Variants in SYNE2 observed in about 807,000 individuals in gnomAD.
SYNE2 encodes nesprin-2.
A neutral mutation model predicts 856.3 loss-of-function variants in SYNE2; 431 were observed. The observed-to-expected ratio is 0.50, with a 90% CI of 0.47 to 0.55. SYNE2 has a LOEUF of 0.55. Among genes scored for constraint, SYNE2 ranks in the 20% least tolerant of loss-of-function variants. The pLI is 0.00. For missense variants in SYNE2, 8,129 were observed against 8,023.2 expected (o/e 1.01, Z -0.50); for synonymous variants, 2,923 against 2,872.3 (o/e 1.02, Z -0.56).
At chr14:63,886,593 A>C (rs1242418736) in intron 1 of SYNE2, among the ~76,000 whole-genome samples, 1 of 152,184 alleles carries the variant, frequency 6.6e-6, no homozygotes, top group African/African-American at 2.4e-5. Context: ...AGATGTCTCA[A>C]CTGACAGAAT....
At chr14:64,172,546 C>T (rs924719855) in intron 94 of SYNE2, among the ~76,000 whole-genome samples, 6 of 152,100 alleles carry the variant, frequency 3.9e-5, no homozygotes, top group Non-Finnish European at 5.9e-5. Context: ...GCTGTATTGC[C>T]CTATAAACCC....
intron 84 of SYNE2, 22 bp downstream of exon 84, chr14:64,146,245 C>A: frequency 6.3e-7 from 1 of 1,590,868 alleles, no homozygotes; most frequent in South Asian, 1.2e-5. Context: ...AACAGCATCC[C>A]ACCCAACCCG....
chr14:64,106,069 A>C (rs1011245059), intron 64 of SYNE2, among the ~76,000 whole-genome samples: 4 of 151,392 alleles, frequency 2.6e-5, no homozygotes, highest in Non-Finnish European at 4.4e-5. Context: ...AAAAAGAAAG[A>C]AAGAAAAAGA....
At chr14:64,107,445 C>T (rs747212141) in intron 64 of SYNE2, 46 bp from the exon 65 acceptor site, 6 of 1,514,908 alleles carry the variant, frequency 4.0e-6, no homozygotes, top group Non-Finnish European at 5.5e-6. Context: ...ATTCATGTGG[C>T]ACCAGGGCAG....
intron 1 of SYNE2, among the ~76,000 whole-genome samples, chr14:63,804,255 G>A (rs1393242549): frequency 2.0e-5 from 3 of 151,958 alleles, no homozygotes; most frequent in Non-Finnish European, 2.9e-5. Context: ...TTCCCTATAG[G>A]TTCTGGATAT....
In SYNE2 at chr14:64,122,363, A is replaced by G; in HGVS notation, c.13358A>G (p.Gln4453Arg). ...CAGGGCCAAAATGGAGATAAGTGGCAATATCTGCATCATGAACTCTCATCA... is the reference window on the plus strand; with the variant it reads ...CAGGGCCAAAATGGAGATAAGTGGCGATATCTGCATCATGAACTCTCATCA... ...SPQGQNGDKW[Q>R]YLHHELSSKI... is the part of the protein sequence containing the mutation. Residue 4453 changes from glutamine (Q) to arginine (R), a missense_variant, in exon 70 of 116, where the codon CAA becomes CGA. Gln to Arg is a conservative substitution (Grantham distance 43). Transcript: ENST00000555002. 6.2e-7 allele frequency: 1 copy of G among 1,614,194 alleles called. No homozygotes were observed. The highest frequency in any genetic ancestry group is 8.5e-7 in the Non-Finnish European group (1 of 1,180,032).
chr14:63,942,327 T>C lies in SYNE2; in HGVS notation c.408+184T>C, dbSNP rs565253402. ...GCCATTTCTGTTATTGGTTTTTTTC[T>C]CTTCTTTTTGAGATGGAGTCTCGCT... On this transcript the variant is annotated intron_variant, in intron 6 of 115. Coordinates refer to ENST00000555002, the MANE Select transcript of SYNE2 (RefSeq NM_182914.3). Among the ~76,000 whole-genome samples, 6 of 152,264 alleles carry C rather than the reference T, an allele frequency of 3.9e-5. No individual in the cohort carries two copies. In the Middle Eastern group the frequency reaches 0.014, roughly 345 times the overall value.
rs1380941606 is a variant in SYNE2 at position 64,022,779 on chromosome 14, C to G, written c.5553C>G (p.Phe1851Leu). 1 of 1,606,992 alleles carries G rather than the reference C, an allele frequency of 6.2e-7. No homozygotes were observed. Among genetic ancestry groups the G allele is most frequent in the Admixed American group, 1.7e-5 (1 of 59,880 alleles). Residue 1851 changes from phenylalanine (F) to leucine (L), a missense_variant, in exon 38 of 116, where the codon TTC becomes TTG. Phe to Leu is a conservative substitution (Grantham distance 22). This residue lies in a region of SYNE2 where 2,422 missense variants were observed against 2,357.4 expected (regional missense o/e 1.03). Coordinates refer to ENST00000555002, the MANE Select transcript of SYNE2 (RefSeq NM_182914.3). ...AATGCAAGAACTTTAATGACTGGTT[C>G]AGCAACATTAAAGTGAACCTTAAGG... The part of the protein sequence containing the change: ...NDQCKNFNDW[F>L]SNIKVNLKEC...
Position 64,078,604 on chromosome 14 carries a change from A to C in SYNE2, c.11161A>C (p.Lys3721Gln). 6.2e-7 allele frequency: 1 copy of C among 1,613,902 alleles called. No individual in the cohort carries two copies. The highest frequency in any genetic ancestry group is 8.5e-7 in the Non-Finnish European group (1 of 1,179,908). Residue 3721 changes from lysine (K) to glutamine (Q), a missense_variant and splice_region_variant, in exon 55 of 116, where the codon AAG becomes CAG. Physicochemically the swap from Lys to Gln is moderately conservative, Grantham distance 53. Around this residue, in one of 3 missense-constraint regions of SYNE2, gnomAD observed 5,410 missense variants for 5,284.8 expected, o/e 1.02. Transcript: ENST00000555002. ...TATTGAGAAAGCTCAAGAAATTCAA[A>C]AGGTAAAATCCTCCTTTAACTCCCT... ...KNIEKAQEIQKKMWDELDLWH... is the reference protein window; with the variant it reads ...KNIEKAQEIQQKMWDELDLWH...
At chr14:64,111,511 A>T (rs1334946079) in intron 65 of SYNE2, among the ~76,000 whole-genome samples, 1 of 151,416 alleles carries the variant, frequency 6.6e-6, no homozygotes, top group African/African-American at 2.4e-5. Context: ...TTTAAAAAAA[A>T]ATCAGGGCCA....
At chr14:64,047,040 G>A (rs965180518) in intron 45 of SYNE2, among the ~76,000 whole-genome samples, 1 of 152,376 alleles carries the variant, frequency 6.6e-6, no homozygotes, top group South Asian at 2.1e-4. Flanking sequence ...AAGGGCTGGT[G>A]TAACAGCCTT....
chr14:64,217,784 G>T (rs1032541864), intron 108 of SYNE2, among the ~76,000 whole-genome samples: 11 of 152,050 alleles, frequency 7.2e-5, no homozygotes, highest in African/African-American at 2.7e-4. Flanking sequence ...AGGCCATACA[G>T]ACAGAAGAAA....
intron 2 of SYNE2, among the ~76,000 whole-genome samples, chr14:63,931,294 G>T (rs1376837102): frequency 2.0e-5 from 3 of 152,178 alleles, no homozygotes; most frequent in Non-Finnish European, 4.4e-5. Context: ...GCTCACGCCT[G>T]TAATCCCAGC....
At chr14:64,121,788 T>C (rs945388846) in intron 68 of SYNE2, among the ~76,000 whole-genome samples, 2 of 152,258 alleles carry the variant, frequency 1.3e-5, no homozygotes, top group African/African-American at 4.8e-5. Flanking sequence ...TGTATGTCTT[T>C]GATGATTTTC....
rs749246282 is a variant in SYNE2 at position 64,078,632 on chromosome 14, A to G, written c.11163+26A>G. 3.1e-6 allele frequency: 5 copies of G among 1,612,216 alleles called. No individual in the cohort carries two copies. In the South Asian group the frequency reaches 5.5e-5, roughly 18 times the overall value. On this transcript the variant is annotated intron_variant, in intron 55 of 115. Coordinates refer to ENST00000555002, the MANE Select transcript of SYNE2 (RefSeq NM_182914.3). ...GTAAAATCCTCCTTTAACTCCCTTCAGCATTTGGTACTTCTGACCCACTCC... is the reference window on the plus strand; with the variant it reads ...GTAAAATCCTCCTTTAACTCCCTTCGGCATTTGGTACTTCTGACCCACTCC...
chr14:64,190,340 T>C (rs762233057), intron 99 of SYNE2, 103 bp downstream of exon 99: 12 of 1,508,914 alleles, frequency 8.0e-6, no homozygotes, highest in Admixed American at 1.7e-5. Flanking sequence ...AGCAATTTTA[T>C]AAGTTTACAG....
intron 45 of SYNE2, among the ~76,000 whole-genome samples, chr14:64,046,304 G>C (rs2097185972): frequency 6.6e-6 from 1 of 152,096 alleles, no homozygotes; most frequent in African/African-American, 2.4e-5. Flanking sequence ...GCCTTACCTA[G>C]GTTTGAATTC....
intron 96 of SYNE2, among the ~76,000 whole-genome samples, chr14:64,182,230 A>T (rs2098461289): frequency 6.6e-6 from 1 of 152,186 alleles, no homozygotes; most frequent in Non-Finnish European, 1.5e-5. Flanking sequence ...GAAATTTTAC[A>T]TCCCATGTTA....
chr14:63,950,244 A>G (rs2153431027), intron 7 of SYNE2, among the ~76,000 whole-genome samples: 1 of 152,214 alleles, frequency 6.6e-6, no homozygotes, highest in African/African-American at 2.4e-5. Context: ...GTGGCATATT[A>G]TTACATGGAA....
Sources: gnomAD v4.1 joint callset for allele counts (sites outside exome capture counted in the v4.1 genomes callset) on GRCh38, gnomAD v4.1.1 for gene constraint, gnomAD v4.1.1 regional missense constraint, MANE v1.5 for transcripts, NCBI Gene and HGNC (gene_info 2026-07-23, HGNC 2026-07-21) for gene names.